ULK2: variants seen among roughly 807,000 people sequenced by gnomAD.
ULK2 encodes unc-51 like autophagy activating kinase 2.
Under a neutral mutation model 127.5 loss-of-function variants are expected in ULK2, and 76 were observed. The observed-to-expected ratio is 0.60, with a 90% confidence interval of 0.50 to 0.72. The LOEUF (loss-of-function observed/expected upper bound fraction) is 0.72. ULK2 is among the 30% of genes least tolerant of loss of function. ULK2 has a pLI of 0.00. For synonymous variants in ULK2, 452 were observed against 461.9 expected, an observed-to-expected ratio of 0.98 and a Z score of 0.28; for missense variants, 1,144 against 1,295.9, an observed-to-expected ratio of 0.88 and a Z score of 1.80.
At chr17:19,818,766 TATC>T (rs2041058214) in intron 12 of ULK2, among the ~76,000 whole-genome samples, 1 of 151,536 alleles carries the variant, frequency 6.6e-6, no homozygotes, top group Admixed American at 6.6e-5. Context: ...CCTCTCAAAT[TATC>T]ATCTCTTCTT....
chr17:19,826,383 AAAT>A (rs1373285930), intron 10 of ULK2, among the ~76,000 whole-genome samples, 197 bp from the exon 11 acceptor site: 2 of 152,072 alleles, frequency 1.3e-5, no homozygotes, highest in Admixed American at 1.3e-4. Context: ...TAATCATATA[AAAT>A]AATGAATCAA....
intron 3 of ULK2, among the ~76,000 whole-genome samples, chr17:19,857,582 T>A (rs1039724731): frequency 1.3e-5 from 2 of 152,222 alleles, no homozygotes; most frequent in African/African-American, 2.4e-5. Flanking sequence ...AATCATCTTT[T>A]TCTTGCGATA....
At position 19,865,750 on chromosome 17, in the gene ULK2, T is replaced by G; in HGVS notation, c.169A>C (p.Ile57Leu). 1 of 1,522,698 alleles carries G rather than the reference T, an allele frequency of 6.6e-7. No individual in the cohort carries two copies. Among genetic ancestry groups the G allele is most frequent in the Non-Finnish European group, 9.0e-7 (1 of 1,108,884 alleles). The allele number at this position is 1,522,698 out of a possible 1,614,324, so 94.3% of individuals were successfully genotyped here. A position where few individuals can be genotyped will look rare whatever the true frequency, so the allele number is the denominator to read the frequency against. The change falls in exon 2 of 27, where the codon ATT becomes CTT. Residue 57 changes from isoleucine to leucine, a missense_variant. Ile to Leu is a conservative substitution (Grantham distance 5, BLOSUM62 2). Around this residue, in one of 2 missense-constraint regions of ULK2, gnomAD observed 231 missense variants for 325.4 expected, o/e 0.71. Coordinates refer to ENST00000395544, the MANE Select transcript of ULK2 (RefSeq NM_014683.4). ...AAGTAACATACCTTTAAGATTTTAA[T>G]TTCCTTTCCAAGCAGTATTTGTGAT... ...SKSQILLGKE[I>L]KILKELQHEN...
chr17:19,849,223 GACC>G (rs1487141259), intron 5 of ULK2, 143 bp downstream of exon 5: 14 of 708,032 alleles, frequency 2.0e-5, no homozygotes, highest in Admixed American at 1.5e-4. Context: ...TCTGCAAAGT[GACC>G]ACAAGTCAAA....
intron 13 of ULK2, among the ~76,000 whole-genome samples, chr17:19,811,589 G>A (rs1467071526): frequency 6.6e-6 from 1 of 151,908 alleles, no homozygotes; most frequent in Non-Finnish European, 1.5e-5. Flanking sequence ...TTACAGGTGT[G>A]TGCCACCACA....
intron 2 of ULK2, among the ~76,000 whole-genome samples, chr17:19,865,111 G>A (rs2042325676): frequency 6.6e-6 from 1 of 152,284 alleles, no homozygotes; most frequent in South Asian, 2.1e-4. Flanking sequence ...GAAATCGGGT[G>A]TTAAATGAGG....
Position 19,839,350 on chromosome 17 carries a change from C to A in ULK2, c.705-767G>T, listed in dbSNP as rs76957050. ...AATGAATTAATAGCAGTACACAATT[C>A]AAAGAATAAGAATTACAAAAAGATA... On this transcript the variant is annotated intron_variant, in intron 9 of 26. Coordinates refer to ENST00000395544, the MANE Select transcript of ULK2 (RefSeq NM_014683.4). 4.8e-3 allele frequency among the ~76,000 whole-genome samples: 730 copies of A among 152,084 alleles called. 25 individuals carry two copies. The East Asian group carries it at 0.089, about 19-fold the overall frequency.
chr17:19,795,665 C>T lies in ULK2; in HGVS notation c.2058G>A (p.Gln686=), dbSNP rs751312134. The change falls in exon 20 of 27, where the codon CAG becomes CAA. Residue 686 remains glutamine (Q), a synonymous_variant. Transcript: ENST00000395544. ...QQGKTPICRH[Q]GSTDSLNTER... is the part of the protein sequence containing the mutation. ...CTGTATTTAAACTGTCTGTGCTGCC[C>T]TGATGTCGACATATAGGAGTCTTTC... is the stretch of plus-strand genomic sequence containing the variant. 3 of 1,614,130 alleles carry T rather than the reference C, an allele frequency of 1.9e-6. No individual in the cohort carries two copies. Among genetic ancestry groups the T allele is most frequent in the Non-Finnish European group, 1.7e-6 (2 of 1,180,018 alleles).
chr17:19,808,459 A>C (rs1307005066), intron 14 of ULK2, among the ~76,000 whole-genome samples: 1 of 152,232 alleles, frequency 6.6e-6, no homozygotes, highest in Non-Finnish European at 1.5e-5. Context: ...AAAAATGTTC[A>C]TGTATCAAAG....
intron 15 of ULK2, among the ~76,000 whole-genome samples, chr17:19,803,997 T>C (rs1271252868): frequency 6.6e-6 from 1 of 152,204 alleles, no homozygotes; most frequent in African/African-American, 2.4e-5. Context: ...TGCATACTTA[T>C]GTCTGCCATG....
At position 19,796,084 on chromosome 17, in the gene ULK2, C is replaced by G. The variant is rs753033565; in HGVS notation, c.1997+11G>C. On this transcript the variant is annotated intron_variant, in intron 19 of 26. Coordinates refer to ENST00000395544, the MANE Select transcript of ULK2 (RefSeq NM_014683.4). ...TTCATGTTTAATGCTAGAATGGAAA[C>G]AGTCTTTTACCTGCCAAACACTGCC... 6.3e-7 allele frequency: 1 copy of G among 1,592,540 alleles called. No individual in the cohort carries two copies. Among genetic ancestry groups the G allele is most frequent in the South Asian group, 1.1e-5 (1 of 87,000 alleles).
At chr17:19,798,388 C>T (rs2087321893) in intron 17 of ULK2, among the ~76,000 whole-genome samples, 2 of 152,290 alleles carry the variant, frequency 1.3e-5, no homozygotes, top group South Asian at 4.1e-4. Flanking sequence ...TGTTTCCCCC[C>T]TACAAACCTT....
intron 12 of ULK2, among the ~76,000 whole-genome samples, chr17:19,818,154 C>G (rs895009968): frequency 9.9e-5 from 15 of 151,972 alleles, no homozygotes; most frequent in Non-Finnish European, 2.2e-4. Context: ...AACCCCGTCT[C>G]TACTAAAAAA....
At chr17:19,836,822 C>G (rs2041609795) in intron 10 of ULK2, among the ~76,000 whole-genome samples, 1 of 150,926 alleles carries the variant, frequency 6.6e-6, no homozygotes. Flanking sequence ...AGAGAATTGC[C>G]TGAACCCAGG....
At chr17:19,791,844 CAAAA>C (rs58434256) in intron 20 of ULK2, among the ~76,000 whole-genome samples, 17 of 48,218 alleles carry the variant, frequency 3.5e-4, no homozygotes, top group East Asian at 8.9e-4. Flanking sequence ...ACCCTGTTTA[CAAAA>C]AAAAAAAAAA....
At chr17:19,814,411 C>CATATATATACAT (rs2040916339) in intron 13 of ULK2, among the ~76,000 whole-genome samples, 1 of 36,510 alleles carries the variant, frequency 2.7e-5, no homozygotes, top group African/African-American at 1.2e-4. Flanking sequence ...TTATTATATA[C>CATATATATACAT]ATATATATAT....
intron 16 of ULK2, 131 bp downstream of exon 16, chr17:19,801,646 G>A (rs1165072793): frequency 4.3e-6 from 5 of 1,162,138 alleles, no homozygotes; most frequent in Non-Finnish European, 4.9e-6. Context: ...AAGATGGAGG[G>A]ACGGGGTATG....
chr17:19,824,729 T>G (rs1009877749), intron 12 of ULK2, among the ~76,000 whole-genome samples: 1 of 152,152 alleles, frequency 6.6e-6, no homozygotes, highest in African/African-American at 2.4e-5. Flanking sequence ...AAATCCAAGC[T>G]CATGTCTACG....
chr17:19,813,201 C>T (rs1028261601), intron 13 of ULK2, among the ~76,000 whole-genome samples: 5 of 152,096 alleles, frequency 3.3e-5, no homozygotes, highest in East Asian at 1.9e-4. Flanking sequence ...GAATTGCCCC[C>T]GCCATATCAT....
Sources: allele counts gnomAD v4.1 joint callset (sites outside exome capture counted in the v4.1 genomes callset), GRCh38; gene constraint gnomAD v4.1.1; regional missense constraint gnomAD v4.1.1; transcripts MANE v1.5; gene names NCBI Gene and HGNC (gene_info 2026-07-23, HGNC 2026-07-21).